DCC: variants seen among roughly 807,000 people sequenced by gnomAD.
DCC encodes DCC netrin 1 receptor, also known as netrin receptor DCC.
Under a neutral mutation model 172.5 loss-of-function variants are expected in DCC, and 58 were observed. That is an observed-to-expected ratio of 0.34 (90% CI 0.27 to 0.42). DCC has a LOEUF of 0.42. Ranked by LOEUF, DCC falls within the 10% of genes least tolerant of loss-of-function variation. DCC has a pLI of 1.00. For synonymous variants in DCC, 709 were observed against 644.5 expected (o/e 1.10, Z -1.52); for missense variants, 1,740 against 1,791.0 (o/e 0.97, Z 0.51).
At chr18:52,537,755 G>T (rs968189243) in intron 1 of DCC, among the ~76,000 whole-genome samples, 1 of 152,176 alleles carries the variant, frequency 6.6e-6, no homozygotes, top group Non-Finnish European at 1.5e-5. Flanking sequence ...TCAATGCAGA[G>T]TATTTAACGA....
At chr18:52,989,383 C>A (rs1233492730) in intron 5 of DCC, among the ~76,000 whole-genome samples, 1 of 151,942 alleles carries the variant, frequency 6.6e-6, no homozygotes, top group Non-Finnish European at 1.5e-5. Context: ...ATTAGCCGGG[C>A]ATGGTAGCAG....
At chr18:53,508,593 T>TATTTTC (rs2144517361) in intron 27 of DCC, among the ~76,000 whole-genome samples, 1 of 152,288 alleles carries the variant, frequency 6.6e-6, no homozygotes, top group South Asian at 2.1e-4. Context: ...GTTATTTGTT[T>TATTTTC]ATTTTCTTTT....
intron 2 of DCC, among the ~76,000 whole-genome samples, chr18:52,760,259 C>T (rs2037138227): frequency 6.6e-6 from 1 of 152,154 alleles, no homozygotes; most frequent in African/African-American, 2.4e-5. Context: ...GGGAAAGCCA[C>T]TCATGAAACC....
At chr18:53,060,282 C>T (rs918856868) in intron 5 of DCC, among the ~76,000 whole-genome samples, 1 of 152,210 alleles carries the variant, frequency 6.6e-6, no homozygotes, top group Middle Eastern at 3.4e-3. Flanking sequence ...GATCTGCCCA[C>T]CTCTGCTTCC....
chr18:52,931,000 G>A (rs562536388), intron 5 of DCC, among the ~76,000 whole-genome samples: 2 of 143,436 alleles, frequency 1.4e-5, no homozygotes, highest in Admixed American at 1.5e-4. Context: ...AGTTTTCATG[G>A]TCTTGGTTCT....
rs569668623 is a variant in DCC, at chr18:52,434,254, C to T, written c.91+93376C>T. 1.6e-4 allele frequency among the ~76,000 whole-genome samples: 24 copies of T among 152,222 alleles called. No individual in the cohort carries two copies. In the South Asian group the frequency reaches 4.4e-3, roughly 28 times the overall value. ...GAGAAAAATTTTGCTTTCCTGGGTA[C>T]ATTTGGCAATGTCTAGAGATATTTT... On this transcript the variant is annotated intron_variant, in intron 1 of 28. Coordinates refer to ENST00000442544, the MANE Select transcript of DCC (RefSeq NM_005215.4).
intron 1 of DCC, among the ~76,000 whole-genome samples, chr18:52,522,805 T>A (rs763624845): frequency 2.9e-4 from 44 of 152,156 alleles, no homozygotes; most frequent in Non-Finnish European, 5.7e-4. Context: ...AATATAAATA[T>A]TTTATAGTAC....
intron 1 of DCC, among the ~76,000 whole-genome samples, chr18:52,434,312 A>T (rs1011434850): frequency 2.0e-5 from 3 of 152,188 alleles, no homozygotes; most frequent in African/African-American, 7.2e-5. Flanking sequence ...CTTCTGGCAT[A>T]TCATGGATAG....
chr18:53,281,128 T>C (rs1411674544), intron 12 of DCC, among the ~76,000 whole-genome samples: 1 of 152,174 alleles, frequency 6.6e-6, no homozygotes, highest in African/African-American at 2.4e-5. Flanking sequence ...TAAATGTTTA[T>C]AGCACAATGT....
intron 5 of DCC, among the ~76,000 whole-genome samples, chr18:52,974,513 G>A (rs1173372760): frequency 6.6e-6 from 1 of 152,156 alleles, no homozygotes; most frequent in East Asian, 1.9e-4. Flanking sequence ...AAACACAAGT[G>A]CTGATAAAAT....
intron 12 of DCC, among the ~76,000 whole-genome samples, chr18:53,217,391 A>G (rs941750068): frequency 2.0e-5 from 3 of 151,976 alleles, no homozygotes; most frequent in Admixed American, 2.0e-4. Context: ...GCAAATACAA[A>G]CACTTCTACT....
At chr18:53,175,212 C>T (rs1347374853) in intron 8 of DCC, among the ~76,000 whole-genome samples, 1 of 152,056 alleles carries the variant, frequency 6.6e-6, no homozygotes, top group Non-Finnish European at 1.5e-5. Flanking sequence ...AAACCCACAG[C>T]CAATATCATA....
intron 2 of DCC, among the ~76,000 whole-genome samples, chr18:52,878,605 C>T (rs1204697512): frequency 6.6e-6 from 1 of 152,160 alleles, no homozygotes; most frequent in African/African-American, 2.4e-5. Flanking sequence ...ACTAAACCAC[C>T]TTTCCTAATT....
chr18:53,017,221 G>A (rs1384476315), intron 5 of DCC, among the ~76,000 whole-genome samples: 2 of 151,866 alleles, frequency 1.3e-5, no homozygotes, highest in African/African-American at 2.4e-5. Flanking sequence ...GACTACAGGC[G>A]CCCGCCAAAG....
intron 1 of DCC, among the ~76,000 whole-genome samples, chr18:52,737,628 G>A (rs1329408606): frequency 1.3e-5 from 2 of 152,080 alleles, no homozygotes; most frequent in South Asian, 2.1e-4. Context: ...GACACAGTGG[G>A]CATATCCAGA....
intron 1 of DCC, among the ~76,000 whole-genome samples, chr18:52,435,233 T>C (rs1256208337): frequency 6.6e-6 from 1 of 152,214 alleles, no homozygotes; most frequent in Non-Finnish European, 1.5e-5. Flanking sequence ...CAGTTTTCCC[T>C]GTTCCCTTGT....
intron 1 of DCC, among the ~76,000 whole-genome samples, chr18:52,380,744 T>A (rs1278974197): frequency 6.6e-6 from 1 of 152,154 alleles, no homozygotes; most frequent in Non-Finnish European, 1.5e-5. Flanking sequence ...ATTCCAGATC[T>A]AAAATTGTAT....
intron 12 of DCC, among the ~76,000 whole-genome samples, chr18:53,254,446 A>G (rs1190788031): frequency 2.0e-5 from 3 of 152,010 alleles, no homozygotes; most frequent in South Asian, 2.1e-4. Flanking sequence ...ACCCAGAGCT[A>G]TCAGCACCTG....
intron 7 of DCC, among the ~76,000 whole-genome samples, chr18:53,138,842 CT>C (rs1255793369): frequency 1.3e-5 from 2 of 152,094 alleles, no homozygotes; most frequent in Non-Finnish European, 2.9e-5. Flanking sequence ...AAAAATATTA[CT>C]TTTTTAATTG....
Sources: gnomAD v4.1 joint callset for allele counts (sites outside exome capture counted in the v4.1 genomes callset) on GRCh38, gnomAD v4.1.1 for gene constraint, MANE v1.5 for transcripts, NCBI Gene and HGNC (gene_info 2026-07-23, HGNC 2026-07-21) for gene names.